XKR9: variants seen among roughly 807,000 people sequenced by gnomAD.
XKR9 encodes the protein XK-related protein 9.
XKR9 carries 32 observed loss-of-function variants against 32.0 expected under a neutral mutation model. The ratio of observed to expected loss-of-function variants is 1.00; its 90% CI spans 0.76 to 1.34. The LOEUF is 1.34. Ranked by LOEUF, XKR9 falls within the 40% of genes most tolerant of loss-of-function variation. The pLI is 0.00. For missense variants in XKR9, 546 were observed against 429.7 expected (o/e 1.27, Z -2.39); for synonymous variants, 168 against 143.4 (o/e 1.17, Z -1.22).
At chr8:70,803,636 A>T in the XKR9 span, among the ~76,000 whole-genome samples, 1 of 151,894 alleles carries the variant, frequency 6.6e-6, no homozygotes, top group Non-Finnish European at 1.5e-5. Flanking sequence ...ATTCCTTTAG[A>T]GGTTTGATTG....
the XKR9 span, among the ~76,000 whole-genome samples, chr8:71,025,463 C>T: frequency 6.6e-6 from 1 of 152,200 alleles, no homozygotes; most frequent in Non-Finnish European, 1.5e-5. Context: ...CATATTCTTA[C>T]AATTCGTAAC....
chr8:71,033,382 T>C, the XKR9 span, among the ~76,000 whole-genome samples: 4 of 152,218 alleles, frequency 2.6e-5, no homozygotes, highest in Admixed American at 2.6e-4. Context: ...TAGGAATTCA[T>C]AGTAAGTACT....
At chr8:70,770,082 T>C (rs1195414191) in intron 2 of XKR9, among the ~76,000 whole-genome samples, 1 of 152,222 alleles carries the variant, frequency 6.6e-6, no homozygotes. Flanking sequence ...TGGATTTATC[T>C]ACTGTTGCTC....
chr8:70,770,535 T>C (rs112139048), intron 2 of XKR9, among the ~76,000 whole-genome samples: 7 of 152,316 alleles, frequency 4.6e-5, no homozygotes, highest in African/African-American at 1.7e-4. Flanking sequence ...CTCCAGGTGC[T>C]CTGTCCCAGG....
intron 3 of XKR9, among the ~76,000 whole-genome samples, chr8:70,688,348 C>T (rs1819379544): frequency 6.6e-6 from 1 of 152,150 alleles, no homozygotes; most frequent in Non-Finnish European, 1.5e-5. Context: ...CAAGAGTTCT[C>T]CCCGTCACCC....
At chr8:70,788,459 G>A (rs1256368039) in intron 2 of XKR9, among the ~76,000 whole-genome samples, 1 of 152,020 alleles carries the variant, frequency 6.6e-6, no homozygotes, top group African/African-American at 2.4e-5. Flanking sequence ...AAATGTTCAA[G>A]CAACATTACA....
chr8:71,004,641 G>A, the XKR9 span, among the ~76,000 whole-genome samples: 8 of 152,244 alleles, frequency 5.3e-5, no homozygotes, highest in South Asian at 2.1e-4. Flanking sequence ...ATCTCTAAAC[G>A]TGCCATGGAA....
chr8:70,807,057 T>C, the XKR9 span, among the ~76,000 whole-genome samples: 3 of 152,138 alleles, frequency 2.0e-5, no homozygotes, highest in Non-Finnish European at 1.5e-5. Context: ...ATCAGACTAA[T>C]AGCAGACCTC....
At chr8:70,690,760 G>T (rs7844508) in intron 3 of XKR9, among the ~76,000 whole-genome samples, 81,417 of 151,926 alleles carry the variant, frequency 0.54, 22,761 homozygotes, top group Middle Eastern at 0.62. Context: ...GACATGATCT[G>T]GTTTTTTTAT....
At chr8:71,011,793 G>A in the XKR9 span, among the ~76,000 whole-genome samples, 1 of 152,168 alleles carries the variant, frequency 6.6e-6, no homozygotes, top group Non-Finnish European at 1.5e-5. Context: ...GAAACTGTTT[G>A]CCAAAAATTT....
the XKR9 span, among the ~76,000 whole-genome samples, chr8:71,007,533 T>G: frequency 6.6e-6 from 1 of 151,746 alleles, no homozygotes; most frequent in Non-Finnish European, 1.5e-5. Context: ...AAAAACAGTG[T>G]GAGAAAACTA....
At chr8:71,047,224 T>C in the XKR9 span, among the ~76,000 whole-genome samples, 1 of 152,222 alleles carries the variant, frequency 6.6e-6, no homozygotes, top group African/African-American at 2.4e-5. Flanking sequence ...CATACTTGGC[T>C]TTGAAACAGC....
chr8:70,965,338 G>T, the XKR9 span, among the ~76,000 whole-genome samples: 2 of 152,164 alleles, frequency 1.3e-5, no homozygotes, highest in East Asian at 3.8e-4. Flanking sequence ...GTGCTTGCTG[G>T]ATTCAATTTG....
chr8:70,734,415 A>G lies in XKR9; in HGVS notation c.1113A>G (p.Leu371=). Residue 371 remains leucine, a synonymous_variant, in exon 5 of 5, where the codon CTA becomes CTG. Transcript: ENST00000408926. ...VLRECRMRYF[L]ME Reference sequence around the variant, plus strand: ...GAGAATGTAGAATGAGATATTTCCTAATGGAATAAGCTATTCATTTATGAT... The same window carrying G: ...GAGAATGTAGAATGAGATATTTCCTGATGGAATAAGCTATTCATTTATGAT... The G allele has an allele frequency of 6.3e-7, 1 of 1,577,542 alleles. No individual in the cohort carries two copies. The highest frequency in any genetic ancestry group is 1.4e-5 in the African/African-American group (1 of 73,586).
chr8:70,828,062 A>G, the XKR9 span, among the ~76,000 whole-genome samples: 1 of 152,234 alleles, frequency 6.6e-6, no homozygotes, highest in Non-Finnish European at 1.5e-5. Flanking sequence ...GAGTGTGGAC[A>G]TCATGTAAGA....
the XKR9 span, among the ~76,000 whole-genome samples, chr8:71,055,897 C>T: frequency 6.6e-6 from 1 of 152,122 alleles, no homozygotes; most frequent in Non-Finnish European, 1.5e-5. Context: ...TAGATCCTTG[C>T]TTAGTTAACT....
chr8:70,976,121 A>T, the XKR9 span, among the ~76,000 whole-genome samples: 2 of 152,204 alleles, frequency 1.3e-5, no homozygotes, highest in South Asian at 4.1e-4. Flanking sequence ...GAAGTTGCTT[A>T]TCAGCTTAAG....
the XKR9 span, among the ~76,000 whole-genome samples, chr8:70,861,135 A>T: frequency 6.6e-6 from 1 of 152,012 alleles, no homozygotes; most frequent in Admixed American, 6.6e-5. Flanking sequence ...AAATTTTTGG[A>T]TGTTTTAGAG....
At chr8:70,812,136 C>A in the XKR9 span, among the ~76,000 whole-genome samples, 1 of 152,196 alleles carries the variant, frequency 6.6e-6, no homozygotes, top group Non-Finnish European at 1.5e-5. Flanking sequence ...GCTAGTTCAA[C>A]ATACGCAAAT....
Sources: gnomAD v4.1 joint callset for allele counts (sites outside exome capture counted in the v4.1 genomes callset) on GRCh38, gnomAD v4.1.1 for gene constraint, MANE v1.5 for transcripts, NCBI Gene and HGNC (gene_info 2026-07-23, HGNC 2026-07-21) for gene names.